G3BP1: variants seen among roughly 807,000 people sequenced by gnomAD.
The protein encoded by G3BP1 is ras GTPase-activating protein-binding protein 1.
In G3BP1, 35 loss-of-function variants were observed where a neutral mutation model predicts 58.6. That is an observed-to-expected ratio of 0.60 (90% CI 0.46 to 0.79). The LOEUF is 0.79. Ranked by LOEUF, G3BP1 falls within the 30% of genes least tolerant of loss-of-function variation. The pLI, the probability that G3BP1 is intolerant of heterozygous loss-of-function variation, is 0.00. For missense variants in G3BP1, 523 were observed against 580.8 expected (o/e 0.90, Z 1.02); for synonymous variants, 191 against 195.4 (o/e 0.98, Z 0.19).
At chr5:151,787,123 T>G (rs1762566574) in intron 2 of G3BP1, 1 of 153,104 alleles carries the variant, frequency 6.5e-6, no homozygotes, top group South Asian at 2.1e-4. Flanking sequence ...CCTCCCAAAG[T>G]CCTGGGATTA....
At chr5:151,798,051 C>T (rs927641742) in intron 7 of G3BP1, among the ~76,000 whole-genome samples, 3 of 152,100 alleles carry the variant, frequency 2.0e-5, no homozygotes, top group African/African-American at 7.2e-5. Context: ...TTTGTTTGTT[C>T]AATAATTCAA....
intron 11 of G3BP1, 121 bp from the exon 12 acceptor site, chr5:151,803,764 G>T (rs1260942414): frequency 1.5e-6 from 1 of 660,546 alleles, no homozygotes; most frequent in Non-Finnish European, 2.6e-6. Flanking sequence ...AAAGTGCTGG[G>T]ATTACAGGCA....
intron 5 of G3BP1, 98 bp downstream of exon 5, chr5:151,794,347 A>C: frequency 2.9e-6 from 2 of 692,294 alleles, no homozygotes; most frequent in Non-Finnish European, 5.2e-6. Flanking sequence ...TTTTCATTAC[A>C]CTCTGTTCTT....
chr5:151,784,394 A>C (rs1055160485), intron 1 of G3BP1, among the ~76,000 whole-genome samples: 1 of 152,224 alleles, frequency 6.6e-6, no homozygotes, highest in Non-Finnish European at 1.5e-5. Flanking sequence ...AAAACCTGCT[A>C]AGTCAGTTTT....
At chr5:151,782,837 T>G (rs1167607563) in intron 1 of G3BP1, among the ~76,000 whole-genome samples, 1 of 151,370 alleles carries the variant, frequency 6.6e-6, no homozygotes, top group Non-Finnish European at 1.5e-5. Context: ...CACTGTCTTT[T>G]CTGTGACTCA....
chr5:151,774,227 C>T (rs1214654727), intron 1 of G3BP1, among the ~76,000 whole-genome samples: 1 of 152,164 alleles, frequency 6.6e-6, no homozygotes, highest in East Asian at 1.9e-4. Flanking sequence ...GTAGACAGTT[C>T]TTTGTTTAAC....
At chr5:151,779,568 A>C (rs1762432000) in intron 1 of G3BP1, among the ~76,000 whole-genome samples, 1 of 152,194 alleles carries the variant, frequency 6.6e-6, no homozygotes, top group African/African-American at 2.4e-5. Flanking sequence ...ATTTGTGTAT[A>C]CTAAAAACAC....
intron 4 of G3BP1, among the ~76,000 whole-genome samples, chr5:151,793,802 G>A (rs1242865182): frequency 6.8e-6 from 1 of 146,424 alleles, no homozygotes; most frequent in South Asian, 2.2e-4. Flanking sequence ...AGACCAATCC[G>A]GGCAATATAA....
At chr5:151,798,341 C>G (rs939542733) in intron 7 of G3BP1, among the ~76,000 whole-genome samples, 3 of 151,732 alleles carry the variant, frequency 2.0e-5, no homozygotes, top group Admixed American at 6.6e-5. Context: ...AGAGTAAGAC[C>G]TTGTCACAAG....
chr5:151,779,999 T>G (rs1762438933), intron 1 of G3BP1, among the ~76,000 whole-genome samples: 1 of 152,214 alleles, frequency 6.6e-6, no homozygotes, highest in South Asian at 2.1e-4. Context: ...TCAGAGTGTT[T>G]TTGATTTTAT....
At chr5:151,793,551 C>T (rs1350070754) in intron 4 of G3BP1, among the ~76,000 whole-genome samples, 1 of 152,056 alleles carries the variant, frequency 6.6e-6, no homozygotes, top group Non-Finnish European at 1.5e-5. Flanking sequence ...GTCTTTTTAC[C>T]GGCTATTGTA....
chr5:151,800,634 A>G (rs1762834004), intron 10 of G3BP1, 126 bp from the exon 11 acceptor site: 1 of 679,454 alleles, frequency 1.5e-6, no homozygotes, highest in Admixed American at 2.3e-5. Context: ...AATTCAGACT[A>G]GCTATATTTA....
intron 1 of G3BP1, among the ~76,000 whole-genome samples, chr5:151,779,670 G>A (rs1762434596): frequency 6.6e-6 from 1 of 152,144 alleles, no homozygotes; most frequent in South Asian, 2.1e-4. Context: ...TCGCTTTCTG[G>A]CAGGCATAAA....
Position 151,790,964 on chromosome 5 carries a change from A to G in G3BP1, c.253A>G (p.Thr85Ala). Reference sequence around the variant, plus strand: ...GATTCGCCATGTTGATGCTCATGCCACGCTAAATGATGGTGTGGTAGTCCA... The same window carrying G: ...GATTCGCCATGTTGATGCTCATGCCGCGCTAAATGATGGTGTGGTAGTCCA... ...TKIRHVDAHA[T>A]LNDGVVVQVM... Residue 85 changes from threonine to alanine, a missense_variant, in exon 4 of 12, where the codon ACG becomes GCG. By Grantham distance (58) the Thr-to-Ala change is moderately conservative. Coordinates refer to ENST00000356245, the MANE Select transcript of G3BP1 (RefSeq NM_005754.3). The G allele has an allele frequency of 6.2e-7, 1 of 1,612,584 alleles. No homozygotes were observed. Among genetic ancestry groups the G allele is most frequent in the Non-Finnish European group, 8.5e-7 (1 of 1,179,122 alleles).
chr5:151,781,968 T>C (rs1762478903), intron 1 of G3BP1, among the ~76,000 whole-genome samples: 1 of 152,036 alleles, frequency 6.6e-6, no homozygotes, highest in Admixed American at 6.6e-5. Context: ...AAAAGGTAGA[T>C]ACAGTTTTAT....
rs149354700 is a variant in G3BP1 at position 151,794,173 on chromosome 5, T to C, written c.366T>C (p.Asn122=). 43 of 1,607,550 alleles carry C rather than the reference T, an allele frequency of 2.7e-5. No individual in the cohort carries two copies. Among genetic ancestry groups the C allele is most frequent in the Non-Finnish European group, 3.7e-5 (43 of 1,174,406 alleles). Residue 122 remains asparagine, a synonymous_variant, in exon 5 of 12, where the codon AAT becomes AAC. Coordinates refer to ENST00000356245, the MANE Select transcript of G3BP1 (RefSeq NM_005754.3). ...TGGCATTGCAGGGGTCTGTTGCAAA[T>C]AAATTCTATGTTCACAATGATATCT... ...FVLAPEGSVA[N]KFYVHNDIFR...
intron 2 of G3BP1, among the ~76,000 whole-genome samples, chr5:151,789,406 A>G (rs1192407601): frequency 6.6e-6 from 1 of 152,210 alleles, no homozygotes; most frequent in East Asian, 1.9e-4. Flanking sequence ...ACAAATGTCA[A>G]ATCTTAATAG....
chr5:151,780,788 AG>A (rs1282547441), intron 1 of G3BP1, among the ~76,000 whole-genome samples: 2 of 152,192 alleles, frequency 1.3e-5, no homozygotes, highest in Non-Finnish European at 2.9e-5. Flanking sequence ...CTGGGATTAC[AG>A]GTGTGAGCCA....
chr5:151,802,254 G>C (rs1762868141), intron 11 of G3BP1, among the ~76,000 whole-genome samples: 1 of 152,150 alleles, frequency 6.6e-6, no homozygotes. Flanking sequence ...GAGAACAGTG[G>C]TTTATCTCAC....
Sources: allele counts gnomAD v4.1 joint callset (sites outside exome capture counted in the v4.1 genomes callset), GRCh38; gene constraint gnomAD v4.1.1; transcripts MANE v1.5; gene names NCBI Gene and HGNC (gene_info 2026-07-23, HGNC 2026-07-21).